FABP6: variants seen among roughly 807,000 people sequenced by gnomAD.
The protein encoded by FABP6 is gastrotropin.
Under a neutral mutation model 14.9 loss-of-function variants are expected in FABP6, and 13 were observed. The observed-to-expected ratio is 0.87, with a 90% CI of 0.57 to 1.39. FABP6 has a LOEUF of 1.39. Ranked by LOEUF, FABP6 falls within the 40% of genes most tolerant of loss-of-function variation. The pLI is 0.00. For missense variants in FABP6, 161 were observed against 167.2 expected (o/e 0.96, Z 0.20); for synonymous variants, 75 against 63.6 (o/e 1.18, Z -0.85).
intron 3 of FABP6, among the ~76,000 whole-genome samples, chr5:160,223,793 C>T (rs978945463): frequency 2.0e-5 from 3 of 151,716 alleles, no homozygotes; most frequent in African/African-American, 7.3e-5. Flanking sequence ...TTCCCTGAGA[C>T]ACAATATCGA....
chr5:160,214,345 TG>T (rs1221474054), intron 3 of FABP6, among the ~76,000 whole-genome samples: 2 of 151,752 alleles, frequency 1.3e-5, no homozygotes, highest in Non-Finnish European at 2.9e-5. Flanking sequence ...TTAAATTTTT[TG>T]TAGAGACACA....
At chr5:160,229,426 G>A (rs1281472893), upstream of FABP6, 3 of 1,537,692 alleles carry the variant, frequency 2.0e-6, no homozygotes, top group African/African-American at 1.4e-5. Context: ...CAGGACAGGA[G>A]GGAGAAGAAG....
upstream of FABP6, among the ~76,000 whole-genome samples, chr5:160,227,309 C>T (rs1010576723): frequency 5.3e-5 from 8 of 151,916 alleles, no homozygotes; most frequent in South Asian, 2.1e-4. Context: ...CCGAGGTGGG[C>T]GGATCATCCA....
upstream of FABP6, among the ~76,000 whole-genome samples, chr5:160,225,073 T>C (rs1275812918): frequency 1.4e-5 from 2 of 147,580 alleles, no homozygotes; most frequent in African/African-American, 5.1e-5. Context: ...AACTACCATG[T>C]CTGGTCAAAC....
chr5:160,219,019 G>A (rs1580914367), intron 3 of FABP6, among the ~76,000 whole-genome samples: 4 of 152,312 alleles, frequency 2.6e-5, no homozygotes. Flanking sequence ...AAAACTAGAA[G>A]TATCATCATG....
intron 1 of FABP6, chr5:160,187,532 G>C (rs966859759): frequency 6.6e-6 from 1 of 152,258 alleles, no homozygotes; most frequent in Non-Finnish European, 1.5e-5. Context: ...TGGGGGTTGG[G>C]GGGGAGCTCA....
Position 160,229,533 on chromosome 5 carries a change from C to A in FABP6, c.-25C>A. 1 of 1,613,890 alleles carries A rather than the reference C, an allele frequency of 6.2e-7. No homozygotes were observed. ...CACCCATTCTCCTCATCCCTCTGCT[C>A]TCTGGCCTCCAGCCTCCCAGCAGCA... On this transcript the variant is annotated 5_prime_UTR_variant, in exon 1 of 4. Transcript: ENST00000402432.
upstream of FABP6, chr5:160,229,347 G>A: frequency 8.2e-7 from 1 of 1,213,124 alleles, no homozygotes; most frequent in Non-Finnish European, 1.1e-6. Context: ...ACTTCCCCAG[G>A]GTGAATAACC....
At chr5:160,191,683 C>T (rs547882755) in intron 1 of FABP6, among the ~76,000 whole-genome samples, 17 of 151,872 alleles carry the variant, frequency 1.1e-4, no homozygotes, top group South Asian at 2.1e-4. Flanking sequence ...TGGGCTCGGC[C>T]GGGCGCGGTG....
At chr5:160,218,118 G>GT (rs956895238) in intron 3 of FABP6, among the ~76,000 whole-genome samples, 8 of 151,472 alleles carry the variant, frequency 5.3e-5, no homozygotes, top group South Asian at 2.1e-4. Context: ...TTTTCTGTTT[G>GT]TTTTTTTTAG....
chr5:160,227,819 C>CGTGTGTGTGTGTGTGTGT (rs763474232), upstream of FABP6, among the ~76,000 whole-genome samples: 16 of 145,750 alleles, frequency 1.1e-4, no homozygotes, highest in African/African-American at 4.0e-4. Context: ...AAATCCATGA[C>CGTGTGTGTGTGTGTGTGT]GTGTGTGTGT....
intron 3 of FABP6, among the ~76,000 whole-genome samples, chr5:160,236,145 A>G (rs976967784): frequency 6.6e-6 from 1 of 151,422 alleles, no homozygotes; most frequent in African/African-American, 2.4e-5. Flanking sequence ...CTCCCCAAGT[A>G]GCTGGGATTA....
At chr5:160,224,784 T>G (rs12153165), upstream of FABP6, among the ~76,000 whole-genome samples, 1 of 113,318 alleles carries the variant, frequency 8.8e-6, no homozygotes, top group Non-Finnish European at 1.8e-5. Flanking sequence ...TCCTTTTTTT[T>G]TCTTTTTTTT....
At chr5:160,216,215 A>G (rs1760009468) in intron 3 of FABP6, among the ~76,000 whole-genome samples, 1 of 152,094 alleles carries the variant, frequency 6.6e-6, no homozygotes, top group South Asian at 2.1e-4. Context: ...TTGTGCTAGT[A>G]AGTACTTATT....
intron 3 of FABP6, among the ~76,000 whole-genome samples, chr5:160,221,038 G>A (rs930599138): frequency 2.0e-5 from 3 of 146,590 alleles, no homozygotes; most frequent in African/African-American, 5.1e-5. Context: ...GCAGTGAGCC[G>A]AGATTGTACC....
chr5:160,203,751 G>C (rs1034810321), intron 2 of FABP6, among the ~76,000 whole-genome samples: 61 of 151,076 alleles, frequency 4.0e-4, no homozygotes, highest in Non-Finnish European at 3.2e-4. Context: ...GCTCAGGCTG[G>C]AGTGCAATGG....
chr5:160,223,360 TCTTTC>T (rs1561752083), intron 3 of FABP6, among the ~76,000 whole-genome samples: 38 of 94,102 alleles, frequency 4.0e-4, no homozygotes, highest in East Asian at 2.5e-3. Flanking sequence ...CTTCCTTCCT[TCTTTC>T]CCTCCCTCCC....
chr5:160,237,475 C>T (rs1760542561), intron 3 of FABP6, among the ~76,000 whole-genome samples: 1 of 152,018 alleles, frequency 6.6e-6, no homozygotes, highest in Non-Finnish European at 1.5e-5. Context: ...TCTCTAGAGG[C>T]CCAGAATCAT....
At chr5:160,223,369 C>G (rs1428140391) in intron 3 of FABP6, among the ~76,000 whole-genome samples, 1 of 62,016 alleles carries the variant, frequency 1.6e-5, no homozygotes, top group Non-Finnish European at 3.0e-5. Context: ...TTCTTTCCCT[C>G]CCTCCCTCCC....
Sources: allele counts gnomAD v4.1 joint callset (sites outside exome capture counted in the v4.1 genomes callset), GRCh38; gene constraint gnomAD v4.1.1; transcripts MANE v1.5; gene names NCBI Gene and HGNC (gene_info 2026-07-23, HGNC 2026-07-21).